Variants in CPXM2 observed in about 807,000 individuals in gnomAD.
CPXM2 encodes the protein carboxypeptidase X, M14 family member 2.
In CPXM2, 66 loss-of-function variants were observed where a neutral mutation model predicts 86.1. The observed-to-expected ratio is 0.77, with a 90% CI of 0.63 to 0.94. The LOEUF (loss-of-function observed/expected upper bound fraction) is 0.94, where lower values mean the gene tolerates loss of function less well. Ranked by LOEUF, CPXM2 falls within the 40% of genes least tolerant of loss-of-function variation. CPXM2 has a pLI of 0.00. For missense variants in CPXM2, 948 were observed against 1,026.3 expected, an observed-to-expected ratio of 0.92 and a Z score of 1.04; for synonymous variants, 388 against 400.2, an observed-to-expected ratio of 0.97 and a Z score of 0.36.
At chr10:123,784,065 C>A (rs1183855939) in intron 6 of CPXM2, among the ~76,000 whole-genome samples, 4 of 152,172 alleles carry the variant, frequency 2.6e-5, no homozygotes, top group Admixed American at 1.3e-4. Flanking sequence ...GGAGTCCTCA[C>A]CCCCAGTGCT....
chr10:123,875,963 C>T (rs2134222371), intron 2 of CPXM2, among the ~76,000 whole-genome samples: 1 of 151,998 alleles, frequency 6.6e-6, no homozygotes, highest in African/African-American at 2.4e-5. Context: ...ATTACAAGTG[C>T]ATGCTGCCAC....
At chr10:123,861,171 A>T (rs1361528715) in intron 3 of CPXM2, among the ~76,000 whole-genome samples, 1 of 152,162 alleles carries the variant, frequency 6.6e-6, no homozygotes, top group East Asian at 1.9e-4. Context: ...CCACTCTGCC[A>T]CTTGGAAGCC....
chr10:123,920,652 G>A (rs1945572430), intron 2 of CPXM2, among the ~76,000 whole-genome samples: 1 of 152,210 alleles, frequency 6.6e-6, no homozygotes, highest in South Asian at 2.1e-4. Context: ...ATAATTGTTA[G>A]GGTTTAAATG....
chr10:123,907,905 A>G (rs763784987), intron 2 of CPXM2, among the ~76,000 whole-genome samples: 19 of 152,164 alleles, frequency 1.2e-4, no homozygotes, highest in Non-Finnish European at 1.3e-4. Flanking sequence ...TTTTAAAAAG[A>G]AAAAAGGAAG....
At chr10:123,838,611 T>C (rs778911430) in intron 4 of CPXM2, among the ~76,000 whole-genome samples, 30 of 152,328 alleles carry the variant, frequency 2.0e-4, no homozygotes, top group Admixed American at 4.6e-4. Context: ...TGGAAAAATC[T>C]ACCGGGCTGG....
At chr10:123,919,907 G>C (rs144410620) in intron 2 of CPXM2, among the ~76,000 whole-genome samples, 320 of 152,274 alleles carry the variant, frequency 2.1e-3, no homozygotes, top group African/African-American at 7.2e-3. Flanking sequence ...GGAAGCATGA[G>C]AGAGAGGAGG....
chr10:123,921,239 C>T (rs1383786550), intron 2 of CPXM2, among the ~76,000 whole-genome samples: 1 of 152,082 alleles, frequency 6.6e-6, no homozygotes, highest in African/African-American at 2.4e-5. Flanking sequence ...TCAGCTTTCA[C>T]CCATGTTCAT....
chr10:123,826,206 C>T (rs1472159248), intron 4 of CPXM2, among the ~76,000 whole-genome samples: 1 of 152,176 alleles, frequency 6.6e-6, no homozygotes, highest in Non-Finnish European at 1.5e-5. Context: ...CAAACTTCTT[C>T]ACTGCTAAGC....
chr10:123,842,789 A>G (rs1848413696), intron 3 of CPXM2, among the ~76,000 whole-genome samples: 1 of 152,218 alleles, frequency 6.6e-6, no homozygotes, highest in Non-Finnish European at 1.5e-5. Flanking sequence ...CATCTCCCAC[A>G]CAGCAGCCCA....
upstream of CPXM2, chr10:123,891,992 C>T (rs1213274952): frequency 6.6e-6 from 1 of 151,926 alleles, no homozygotes; most frequent in Non-Finnish European, 1.5e-5. The surrounding 1 kb of genome is among the most constrained non-coding windows in gnomAD (Gnocchi z 5.6). Context: ...CCCTTCCCCT[C>T]CCCCGCAGGC....
At chr10:123,804,877 A>G (rs1847545850) in intron 4 of CPXM2, among the ~76,000 whole-genome samples, 1 of 151,996 alleles carries the variant, frequency 6.6e-6, no homozygotes, top group Admixed American at 6.6e-5. Flanking sequence ...GTATGAGTTC[A>G]TTCTTTTTCA....
chr10:123,758,839 T>G (rs1402724891), intron 11 of CPXM2, among the ~76,000 whole-genome samples: 1 of 152,152 alleles, frequency 6.6e-6, no homozygotes, highest in Non-Finnish European at 1.5e-5. Context: ...GAGTGTTCTG[T>G]GCCTTGGACA....
At chr10:123,764,509 C>T (rs1428688168) in intron 10 of CPXM2, among the ~76,000 whole-genome samples, 2 of 151,788 alleles carry the variant, frequency 1.3e-5, no homozygotes, top group Admixed American at 6.6e-5. Flanking sequence ...TTTTTTGAGA[C>T]AGGGTCTCAC....
At chr10:123,753,474 A>G (rs556980596) in intron 13 of CPXM2, among the ~76,000 whole-genome samples, 1 of 152,294 alleles carries the variant, frequency 6.6e-6, no homozygotes, top group Admixed American at 6.5e-5. Context: ...GCCAAACCCC[A>G]CTAACCCCTT....
At chr10:123,820,576 C>T (rs764430377) in intron 4 of CPXM2, among the ~76,000 whole-genome samples, 1 of 152,212 alleles carries the variant, frequency 6.6e-6, no homozygotes, top group Non-Finnish European at 1.5e-5. Context: ...CTTAAAACAA[C>T]ATAAATACCT....
intron 3 of CPXM2, 136 bp downstream of exon 3, chr10:123,862,478 C>G: frequency 2.6e-6 from 2 of 759,888 alleles, no homozygotes; most frequent in Non-Finnish European, 4.4e-6. Flanking sequence ...AAATTAGGAT[C>G]ATTCAGCAAT....
At chr10:123,878,489 A>G (rs1945029392) in intron 2 of CPXM2, among the ~76,000 whole-genome samples, 1 of 145,360 alleles carries the variant, frequency 6.9e-6, no homozygotes, top group African/African-American at 2.6e-5. Flanking sequence ...CATGGCAGAA[A>G]AGGAGGCAAA....
intron 4 of CPXM2, among the ~76,000 whole-genome samples, chr10:123,804,108 T>C (rs1259268877): frequency 6.6e-6 from 1 of 152,238 alleles, no homozygotes; most frequent in Non-Finnish European, 1.5e-5. Flanking sequence ...TCTGTTCTGT[T>C]GGTCTACTTC....
intron 2 of CPXM2, among the ~76,000 whole-genome samples, chr10:123,864,995 C>T (rs559444510): frequency 7.5e-4 from 114 of 152,342 alleles, no homozygotes; most frequent in African/African-American, 2.5e-3. Flanking sequence ...TGCCCTCTCA[C>T]GGGCTGAGTT....
Sources: allele counts gnomAD v4.1 joint callset (sites outside exome capture counted in the v4.1 genomes callset), GRCh38; gene constraint gnomAD v4.1.1; non-coding constraint Gnocchi (gnomAD v3.1); transcripts MANE v1.5; gene names NCBI Gene and HGNC (gene_info 2026-07-23, HGNC 2026-07-21).